SNX7: variants seen among roughly 807,000 people sequenced by gnomAD.
SNX7 encodes sorting nexin-7.
Under a neutral mutation model 48.4 loss-of-function variants are expected in SNX7, and 35 were observed. The ratio of observed to expected loss-of-function variants is 0.72; its 90% CI spans 0.55 to 0.96. The LOEUF (loss-of-function observed/expected upper bound fraction) is 0.96. Among genes scored for constraint, SNX7 ranks in the 40% least tolerant of loss-of-function variants. The pLI, the probability that SNX7 is intolerant of heterozygous loss-of-function variation, is 0.00. For missense variants in SNX7, 553 were observed against 548.9 expected (o/e 1.01, Z -0.07); for synonymous variants, 190 against 190.2 (o/e 1.00, Z 0.01).
chr1:98,727,450 A>T (rs9324406), intron 7 of SNX7, among the ~76,000 whole-genome samples: 3 of 151,616 alleles, frequency 2.0e-5, no homozygotes, highest in Non-Finnish European at 4.4e-5. Flanking sequence ...AAACTAAAAA[A>T]GCCAGTGTAC....
At chr1:98,733,807 A>G (rs1008033337) in intron 7 of SNX7, among the ~76,000 whole-genome samples, 1 of 151,728 alleles carries the variant, frequency 6.6e-6, no homozygotes, top group Non-Finnish European at 1.5e-5. Flanking sequence ...ATTGCTTTTT[A>G]TGGTTGATTC....
chr1:98,736,792 A>G (rs1292928349), intron 7 of SNX7, among the ~76,000 whole-genome samples: 3 of 152,320 alleles, frequency 2.0e-5, no homozygotes, highest in Admixed American at 1.3e-4. Context: ...AGCTAATTCA[A>G]GCATCAGAAG....
intron 5 of SNX7, among the ~76,000 whole-genome samples, chr1:98,696,474 T>C (rs183309563): frequency 7.2e-5 from 11 of 152,182 alleles, no homozygotes; most frequent in African/African-American, 2.6e-4. Context: ...TAATAAGTAC[T>C]TAATTAAAAT....
chr1:98,718,332 T>C (rs1652694608), intron 7 of SNX7, among the ~76,000 whole-genome samples: 1 of 152,078 alleles, frequency 6.6e-6, no homozygotes, highest in African/African-American at 2.4e-5. Flanking sequence ...TCTTTTATCA[T>C]CTAACACTTT....
rs1388842986 is a variant in SNX7 at position 98,744,863 on chromosome 1, T to A, written c.1278+6474T>A. On this transcript the variant is annotated intron_variant, in intron 8 of 8. Transcript: ENST00000306121. Reference sequence around the variant, plus strand: ...GAAAGCAGTACTTACAAAGCCCCAGTTGAAGCCCTTAATTCTAAATTTACT... The same window carrying A: ...GAAAGCAGTACTTACAAAGCCCCAGATGAAGCCCTTAATTCTAAATTTACT... Among the ~76,000 whole-genome samples the A allele has an allele frequency of 4.6e-5, 7 of 152,024 alleles. No individual in the cohort carries two copies. The East Asian group carries it at 1.2e-3, about 25-fold the overall frequency.
At chr1:98,733,230 A>G (rs1653608625) in intron 7 of SNX7, among the ~76,000 whole-genome samples, 1 of 152,134 alleles carries the variant, frequency 6.6e-6, no homozygotes, top group Middle Eastern at 3.4e-3. Flanking sequence ...ATCACACCCT[A>G]CGGTATTTGT....
chr1:98,666,735 A>G (rs1175529314), intron 1 of SNX7, among the ~76,000 whole-genome samples: 2 of 152,082 alleles, frequency 1.3e-5, no homozygotes, highest in Non-Finnish European at 1.5e-5. Flanking sequence ...GCCTTGATCT[A>G]TAGGATATGG....
intron 8 of SNX7, among the ~76,000 whole-genome samples, chr1:98,746,288 C>T (rs945869247): frequency 3.9e-5 from 6 of 151,964 alleles, no homozygotes; most frequent in African/African-American, 2.4e-5. Flanking sequence ...CTTTGGGTCT[C>T]GAATTATTGT....
chr1:98,701,557 A>G (rs1311771880), intron 6 of SNX7, among the ~76,000 whole-genome samples: 5 of 152,034 alleles, frequency 3.3e-5, no homozygotes, highest in Admixed American at 6.6e-5. Flanking sequence ...CATATGTACA[A>G]TGCTTAAATG....
chr1:98,672,016 T>C (rs2100913071), intron 1 of SNX7, among the ~76,000 whole-genome samples: 2 of 152,296 alleles, frequency 1.3e-5, no homozygotes, highest in Middle Eastern at 3.4e-3. Flanking sequence ...ATATGAATCT[T>C]GAAAATTAGA....
chr1:98,685,128 G>A, intron 2 of SNX7, 61 bp downstream of exon 2: 1 of 1,020,992 alleles, frequency 9.8e-7, no homozygotes, highest in African/African-American at 1.6e-5. Context: ...TTGGAAGTAA[G>A]TACCTCTTGT....
Position 98,684,987 on chromosome 1 carries a change from G to T in SNX7, c.283G>T (p.Asp95Tyr). The T allele has an allele frequency of 6.3e-7, 1 of 1,597,380 alleles. No homozygotes were observed. Among genetic ancestry groups the T allele is most frequent in the Non-Finnish European group, 8.5e-7 (1 of 1,170,830 alleles). ...GTTTGAGGATGAACCAGATTTAAAG[G>T]ATCTCTTCATCACAGTTGATGAACC... The part of the protein sequence containing the change: ...IKFEDEPDLK[D>Y]LFITVDEPES... The change falls in exon 2 of 9, where the codon GAT becomes TAT. Residue 95 changes from aspartate (D) to tyrosine (Y), a missense_variant. Asp to Tyr is a radical substitution (Grantham distance 160). Transcript: ENST00000306121.
chr1:98,710,695 G>C (rs1468689194), intron 7 of SNX7, among the ~76,000 whole-genome samples: 2 of 152,050 alleles, frequency 1.3e-5, no homozygotes, highest in African/African-American at 4.8e-5. Flanking sequence ...ATGTCCTAAG[G>C]TTCTGTCTTA....
At chr1:98,674,865 C>G (rs1650072881) in intron 1 of SNX7, among the ~76,000 whole-genome samples, 3 of 152,178 alleles carry the variant, frequency 2.0e-5, no homozygotes, top group African/African-American at 7.2e-5. Context: ...CTATGAAACT[C>G]ACTCAAATCT....
intron 7 of SNX7, among the ~76,000 whole-genome samples, chr1:98,728,790 T>C (rs868007287): frequency 2.6e-5 from 4 of 152,252 alleles, no homozygotes; most frequent in Middle Eastern, 3.4e-3. Flanking sequence ...TCCAGACTCA[T>C]AAAACAAGAT....
At chr1:98,760,014 A>G (rs781054201) in intron 8 of SNX7, 40 bp from the exon 9 acceptor site, 2 of 1,296,738 alleles carry the variant, frequency 1.5e-6, no homozygotes, top group African/African-American at 1.5e-5. Flanking sequence ...CTGAAAGTAA[A>G]CTATTGTTGA....
At chr1:98,692,751 A>G (rs1176800069) in intron 4 of SNX7, among the ~76,000 whole-genome samples, 1 of 152,188 alleles carries the variant, frequency 6.6e-6, no homozygotes, top group Non-Finnish European at 1.5e-5. Flanking sequence ...GTTAATTTTA[A>G]GCAGTTTTGA....
At chr1:98,665,049 G>A (rs1211012999) in intron 1 of SNX7, among the ~76,000 whole-genome samples, 1 of 152,098 alleles carries the variant, frequency 6.6e-6, no homozygotes. Flanking sequence ...AAAATAAATT[G>A]CCTTTATTTT....
intron 8 of SNX7, 67 bp from the exon 9 acceptor site, chr1:98,759,987 T>G: frequency 1.9e-6 from 2 of 1,043,824 alleles, no homozygotes; most frequent in Admixed American, 1.7e-5. Flanking sequence ...GTGTTAGAAT[T>G]TATTAATCCT....
Sources: allele counts gnomAD v4.1 joint callset (sites outside exome capture counted in the v4.1 genomes callset), GRCh38; gene constraint gnomAD v4.1.1; transcripts MANE v1.5; gene names NCBI Gene and HGNC (gene_info 2026-07-23, HGNC 2026-07-21).